Variants in ERBB4 observed in about 807,000 individuals in gnomAD.
The protein encoded by ERBB4 is erb-b2 receptor tyrosine kinase 4, also known as receptor tyrosine-protein kinase erbB-4.
A neutral mutation model predicts 158.0 loss-of-function variants in ERBB4; 42 were observed. The ratio of observed to expected loss-of-function variants is 0.27; its 90% confidence interval spans 0.21 to 0.34. ERBB4 has a LOEUF of 0.34. ERBB4 is among the 10% of genes least tolerant of loss of function. The pLI, the probability that ERBB4 is intolerant of heterozygous loss-of-function variation, is 1.00. For missense variants in ERBB4, 1,333 were observed against 1,624.1 expected (o/e 0.82, Z 3.08); for synonymous variants, 583 against 558.7 (o/e 1.04, Z -0.61).
intron 3 of ERBB4, among the ~76,000 whole-genome samples, chr2:211,895,787 T>G (rs1420723244): frequency 6.6e-6 from 1 of 152,190 alleles, no homozygotes; most frequent in East Asian, 1.9e-4. Flanking sequence ...AAATCTATCG[T>G]AATCTGGCAC....
intron 17 of ERBB4, among the ~76,000 whole-genome samples, chr2:211,624,628 C>A (rs1022333311): frequency 5.3e-5 from 8 of 152,132 alleles, no homozygotes; most frequent in African/African-American, 1.9e-4. Context: ...CCTGTTAAAT[C>A]AATAGTTCTA....
intron 20 of ERBB4, among the ~76,000 whole-genome samples, chr2:211,561,174 A>C (rs1332180320): frequency 6.6e-6 from 1 of 152,218 alleles, no homozygotes; most frequent in African/African-American, 2.4e-5. Context: ...GCATGATAAG[A>C]ATGCTTTGTT....
intron 2 of ERBB4, among the ~76,000 whole-genome samples, chr2:212,101,709 G>A (rs561883221): frequency 6.6e-6 from 1 of 151,772 alleles, no homozygotes; most frequent in Admixed American, 6.6e-5. Flanking sequence ...CATTGTTCAA[G>A]GCCAAGATTT....
chr2:211,784,300 T>G, intron 4 of ERBB4, among the ~76,000 whole-genome samples: 1 of 152,226 alleles, frequency 6.6e-6, no homozygotes, highest in East Asian at 1.9e-4. Flanking sequence ...TACATTCTGT[T>G]TTCTTTGAGT....
At position 212,526,588 on chromosome 2, in the gene ERBB4, T is replaced by C. The variant is rs191308108; in HGVS notation, c.82+11861A>G. ...CAACTGGGAAATATTATTAACTGTT[T>C]AGTTGATATTTTTTTAAAACTGTGA... On this transcript the variant is annotated intron_variant, in intron 1 of 27. Coordinates refer to ENST00000342788, the MANE Select transcript of ERBB4 (RefSeq NM_005235.3). 4.0e-3 allele frequency among the ~76,000 whole-genome samples: 603 copies of C among 152,146 alleles called. 6 individuals are homozygous for C. Among genetic ancestry groups the C allele is most frequent in the African/African-American group, 0.014 (572 of 41,552 alleles).
chr2:212,105,603 GA>G (rs1559506871), intron 2 of ERBB4, among the ~76,000 whole-genome samples: 3 of 152,202 alleles, frequency 2.0e-5, no homozygotes, highest in Admixed American at 6.5e-5. Context: ...CATTTGTGTC[GA>G]AAAATGTTTC....
intron 2 of ERBB4, among the ~76,000 whole-genome samples, chr2:211,973,657 G>A (rs961065473): frequency 1.3e-4 from 20 of 152,204 alleles, no homozygotes; most frequent in African/African-American, 4.6e-4. Flanking sequence ...TTCAGCCATT[G>A]TGGAAGACAG....
intron 3 of ERBB4, among the ~76,000 whole-genome samples, chr2:211,815,627 T>G (rs1160343932): frequency 6.6e-6 from 1 of 152,196 alleles, no homozygotes; most frequent in Non-Finnish European, 1.5e-5. Flanking sequence ...ATGGTGTATG[T>G]GATAGTTAAT....
intron 20 of ERBB4, among the ~76,000 whole-genome samples, chr2:211,532,969 A>G (rs2066541635): frequency 6.6e-6 from 1 of 151,490 alleles, no homozygotes; most frequent in Non-Finnish European, 1.5e-5. Flanking sequence ...ATTATTTAGC[A>G]TAAAACAAAT....
At chr2:212,163,887 G>A (rs2081274339) in intron 1 of ERBB4, among the ~76,000 whole-genome samples, 1 of 151,902 alleles carries the variant, frequency 6.6e-6, no homozygotes, top group African/African-American at 2.4e-5. Flanking sequence ...CAACCTCCTG[G>A]GTTCAAGCAA....
At position 212,088,060 on chromosome 2, in the gene ERBB4, T is replaced by C. The variant is rs2078667408; in HGVS notation, c.234+36692A>G. On this transcript the variant is annotated intron_variant, in intron 2 of 27. Transcript: ENST00000342788. ...TTTTATTTGTTGTGTTGTTTTTATATATCTGCTCTCTTCTCTGATCCAGGA... is the reference window on the plus strand; with the variant it reads ...TTTTATTTGTTGTGTTGTTTTTATACATCTGCTCTCTTCTCTGATCCAGGA... 2.0e-5 allele frequency among the ~76,000 whole-genome samples: 3 copies of C among 152,126 alleles called. No individual in the cohort carries two copies. In the South Asian group the frequency reaches 6.2e-4, roughly 32 times the overall value.
At chr2:211,832,619 T>C (rs1027795339) in intron 3 of ERBB4, among the ~76,000 whole-genome samples, 21 of 150,598 alleles carry the variant, frequency 1.4e-4, no homozygotes, top group African/African-American at 4.6e-4. Flanking sequence ...TATATATATA[T>C]ACATATATAT....
intron 16 of ERBB4, among the ~76,000 whole-genome samples, chr2:211,636,103 G>A (rs1239648206): frequency 4.3e-4 from 6 of 14,076 alleles, no homozygotes; most frequent in East Asian, 0.042. Flanking sequence ...GAAAATGCGT[G>A]TGTGTGTTTT....
chr2:211,413,823 T>C (rs1403036720), intron 25 of ERBB4, among the ~76,000 whole-genome samples: 2 of 151,892 alleles, frequency 1.3e-5, no homozygotes, highest in African/African-American at 2.4e-5. Context: ...AGGTGGAATG[T>C]ATTAAGTGAA....
At chr2:211,449,816 T>C (rs2064199767) in intron 20 of ERBB4, among the ~76,000 whole-genome samples, 1 of 152,166 alleles carries the variant, frequency 6.6e-6, no homozygotes, top group Non-Finnish European at 1.5e-5. Context: ...GATATAAGTG[T>C]ACTTAGAAGA....
intron 3 of ERBB4, among the ~76,000 whole-genome samples, chr2:211,918,485 A>G (rs2079764413): frequency 6.6e-6 from 1 of 152,112 alleles, no homozygotes; most frequent in South Asian, 2.1e-4. Flanking sequence ...ACCAGAGTTT[A>G]AAGTTGGAGA....
rs142546225 is a variant in ERBB4 at position 211,499,240 on chromosome 2, T to A, written c.2487+62663A>T. 8.5e-3 allele frequency among the ~76,000 whole-genome samples: 1,292 copies of A among 152,160 alleles called. 16 individuals carry two copies. Among genetic ancestry groups the A allele is most frequent in the African/African-American group, 0.029 (1,212 of 41,540 alleles). On this transcript the variant is annotated intron_variant, in intron 20 of 27. Coordinates refer to ENST00000342788, the MANE Select transcript of ERBB4 (RefSeq NM_005235.3). ...ATTTTAGAGATGAGAAAACTGTGAC[T>A]CAGGCCGGGTGCCGTGGCTCACGCT...
chr2:211,755,281 T>C (rs2075264116), intron 4 of ERBB4, among the ~76,000 whole-genome samples: 1 of 152,152 alleles, frequency 6.6e-6, no homozygotes, highest in Non-Finnish European at 1.5e-5. Flanking sequence ...GTGGGCTGAC[T>C]GCTTGAGCCC....
intron 5 of ERBB4, among the ~76,000 whole-genome samples, chr2:211,728,022 T>C (rs188649290): frequency 6.6e-6 from 1 of 152,066 alleles, no homozygotes; most frequent in African/African-American, 2.4e-5. Context: ...AGTATCCTGG[T>C]ACAAAATTCT....
Sources: gnomAD v4.1 joint callset for allele counts (sites outside exome capture counted in the v4.1 genomes callset) on GRCh38, gnomAD v4.1.1 for gene constraint, MANE v1.5 for transcripts, NCBI Gene and HGNC (gene_info 2026-07-23, HGNC 2026-07-21) for gene names.